Variants in MAP3K13 observed in about 807,000 individuals in gnomAD.
MAP3K13 encodes the protein leucine zipper-bearing kinase.
MAP3K13 carries 52 observed loss-of-function variants against 104.0 expected under a neutral mutation model. That is an observed-to-expected ratio of 0.50 (90% CI 0.40 to 0.63). The LOEUF (loss-of-function observed/expected upper bound fraction) is 0.63, where lower values mean the gene tolerates loss of function less well. MAP3K13 is among the 20% of genes least tolerant of loss of function. The probability of loss-of-function intolerance (pLI) is 0.00; values close to 1 mark genes in which losing one functional copy is unlikely to be tolerated. For synonymous variants in MAP3K13, 394 were observed against 442.2 expected (o/e 0.89, Z 1.37); for missense variants, 914 against 1,218.5 (o/e 0.75, Z 3.72).
rs182716349 is a variant in MAP3K13, at chr3:185,393,011, C to A, written c.-86+29643C>A. On this transcript the variant is annotated intron_variant, in intron 1 of 13. Coordinates refer to ENST00000265026, the MANE Select transcript of MAP3K13 (RefSeq NM_004721.5). ...AGGTTGCAGTGAGCCGAGATCACGC[C>A]ACTGCACTCCAGCCTGGGTGATGGA... 2.6e-5 allele frequency among the ~76,000 whole-genome samples: 4 copies of A among 152,020 alleles called. No homozygotes were observed. The East Asian group carries it at 7.7e-4, about 29-fold the overall frequency.
chr3:185,468,268 T>A (rs969787407), intron 10 of MAP3K13, among the ~76,000 whole-genome samples: 3 of 152,242 alleles, frequency 2.0e-5, no homozygotes, highest in Admixed American at 2.0e-4. Flanking sequence ...CCCCTCATTG[T>A]ACCCTAGCAT....
chr3:185,318,163 C>G (rs1283271706), intron 2 of MAP3K13, among the ~76,000 whole-genome samples: 1 of 152,048 alleles, frequency 6.6e-6, no homozygotes. Context: ...TATATCTCTT[C>G]TGGGTTGGCA....
intron 2 of MAP3K13, among the ~76,000 whole-genome samples, chr3:185,297,792 T>A (rs79881500): frequency 0.019 from 2,858 of 151,238 alleles, 54 homozygotes; most frequent in Non-Finnish European, 0.029. Flanking sequence ...TAGTCACAAC[T>A]AAACAGGGTA....
intron 10 of MAP3K13, 34 bp from the exon 11 acceptor site, chr3:185,472,941 T>C (rs1196362534): frequency 1.9e-6 from 3 of 1,584,838 alleles, no homozygotes; most frequent in Non-Finnish European, 1.7e-6. Flanking sequence ...TGTGTTTTCA[T>C]GTGTTTCAGA....
intron 12 of MAP3K13, among the ~76,000 whole-genome samples, chr3:185,479,107 C>T (rs2148929279): frequency 6.6e-6 from 1 of 152,246 alleles, no homozygotes; most frequent in Non-Finnish European, 1.5e-5. Flanking sequence ...CAGAGCCAAA[C>T]TCAGATGTTA....
chr3:185,402,891 A>C (rs563859226), intron 1 of MAP3K13, among the ~76,000 whole-genome samples: 3 of 152,098 alleles, frequency 2.0e-5, no homozygotes, highest in African/African-American at 4.8e-5. Flanking sequence ...CTGCTGTTCA[A>C]TTCCCCCCTG....
At position 185,418,691 on chromosome 3, in the gene MAP3K13, C is replaced by T; in HGVS notation, c.-85-9806C>T. 3.1e-6 allele frequency: 5 copies of T among 1,611,512 alleles called. No homozygotes were observed. The highest frequency in any genetic ancestry group is 1.3e-5 in the African/African-American group (1 of 75,004). On this transcript the variant is annotated intron_variant, in intron 1 of 13. Coordinates refer to ENST00000265026, the MANE Select transcript of MAP3K13 (RefSeq NM_004721.5). This position sits in a 1 kb window ranked among gnomAD's most constrained non-coding sequence, Gnocchi z 4.5. Reference sequence around the variant, plus strand: ...TTCACAATATCTGGTCGAATAGGAGCCTTGAATACAGCAGGCTAAGTGACA... The same window carrying T: ...TTCACAATATCTGGTCGAATAGGAGTCTTGAATACAGCAGGCTAAGTGACA...
At chr3:185,326,167 G>A (rs756280884) in intron 2 of MAP3K13, among the ~76,000 whole-genome samples, 1 of 152,044 alleles carries the variant, frequency 6.6e-6, no homozygotes, top group African/African-American at 2.4e-5. Context: ...TGGAATGTCC[G>A]TCCCGGGAGA....
In MAP3K13 at chr3:185,473,575, T is replaced by A. The variant is rs771928551; in HGVS notation, c.2244T>A (p.Ala748=). The A allele has an allele frequency of 1.2e-6, 2 of 1,614,202 alleles. No individual in the cohort carries two copies. Among genetic ancestry groups the A allele is most frequent in the South Asian group, 2.2e-5 (2 of 91,078 alleles). The change falls in exon 11 of 14, where the codon GCT becomes GCA. Residue 748 remains alanine, a synonymous_variant. Transcript: ENST00000265026. The surrounding 1 kb of genome is among the most constrained non-coding windows in gnomAD (Gnocchi z 4.9). ...EQYGSLDIPS[A]EPVGRSPDLS... is the part of the protein sequence containing the mutation. ...ATGGGTCCTTAGACATACCCTCTGCTGAGCCAGTGGGGAGGAGCCCTGACC... is the reference window on the plus strand; with the variant it reads ...ATGGGTCCTTAGACATACCCTCTGCAGAGCCAGTGGGGAGGAGCCCTGACC...
chr3:185,438,537 G>C (rs1715166992), intron 3 of MAP3K13, among the ~76,000 whole-genome samples: 1 of 152,148 alleles, frequency 6.6e-6, no homozygotes. Context: ...TTGAGTTATT[G>C]ATAGTAAGTC....
chr3:185,302,030 C>T (rs965007189), intron 2 of MAP3K13, among the ~76,000 whole-genome samples: 9 of 151,878 alleles, frequency 5.9e-5, no homozygotes, highest in African/African-American at 9.7e-5. Context: ...ATAGGGATTG[C>T]GTGAATCTGT....
At chr3:185,396,212 A>T (rs1712408702) in intron 1 of MAP3K13, among the ~76,000 whole-genome samples, 1 of 151,996 alleles carries the variant, frequency 6.6e-6, no homozygotes, top group Non-Finnish European at 1.5e-5. Flanking sequence ...CTCTACTAAA[A>T]ATACAAAAAT....
chr3:185,465,912 C>T (rs765635416), intron 9 of MAP3K13, 49 bp downstream of exon 9: 17 of 1,286,746 alleles, frequency 1.3e-5, no homozygotes, highest in Non-Finnish European at 1.9e-5. Flanking sequence ...GTCTGTCAAT[C>T]AGCAGAAACA....
chr3:185,361,006 T>C (rs1318276102), upstream of MAP3K13, among the ~76,000 whole-genome samples: 1 of 151,706 alleles, frequency 6.6e-6, no homozygotes, highest in Non-Finnish European at 1.5e-5. Context: ...TTTGTATTTT[T>C]AGTAGAGATG....
chr3:185,478,871 C>CAAA (rs557343014), intron 12 of MAP3K13, among the ~76,000 whole-genome samples: 1 of 68,936 alleles, frequency 1.5e-5, no homozygotes, highest in East Asian at 4.0e-4. Context: ...GACTCTGTCT[C>CAAA]AAAAAAAAAA....
Position 185,482,284 on chromosome 3 carries a change from G to A in MAP3K13, c.2800-71G>A. The stretch of plus-strand genomic sequence containing the variant: ...CCTTACCAAGCACAGTGCCTGTTGT[G>A]TGGGAGGTGTTTGACATATATTTAC... On this transcript the variant is annotated intron_variant, in intron 13 of 13. Transcript: ENST00000265026. This position sits in a 1 kb window ranked among gnomAD's most constrained non-coding sequence, Gnocchi z 4.5. The A allele has an allele frequency of 2.8e-6, 3 of 1,078,124 alleles. No homozygotes were observed. Among genetic ancestry groups the A allele is most frequent in the Admixed American group, 3.4e-5 (2 of 58,850 alleles). 66.8% of individuals were successfully genotyped at this position (1,078,124 alleles called of 1,614,324 possible).
chr3:185,301,257 A>G (rs1273344238), intron 2 of MAP3K13, among the ~76,000 whole-genome samples: 2 of 151,134 alleles, frequency 1.3e-5, no homozygotes, highest in Admixed American at 1.3e-4. Flanking sequence ...TTTGTCGGTC[A>G]TTTGTATCTC....
chr3:185,395,559 C>T (rs1395403136), intron 1 of MAP3K13, among the ~76,000 whole-genome samples: 3 of 148,338 alleles, frequency 2.0e-5, no homozygotes, highest in East Asian at 2.0e-4. Flanking sequence ...GGGGTTTCAC[C>T]GTTTTAGCCG....
chr3:185,350,376 T>C (rs1723095337), intron 2 of MAP3K13, among the ~76,000 whole-genome samples: 1 of 152,106 alleles, frequency 6.6e-6, no homozygotes, highest in African/African-American at 2.4e-5. Context: ...TAGTAGAGAC[T>C]GGGTTTCACC....
Sources: allele counts gnomAD v4.1 joint callset (sites outside exome capture counted in the v4.1 genomes callset), GRCh38; gene constraint gnomAD v4.1.1; non-coding constraint Gnocchi (gnomAD v3.1); transcripts MANE v1.5; gene names NCBI Gene and HGNC (gene_info 2026-07-23, HGNC 2026-07-21).